Variants in ARHGAP24 observed in about 807,000 individuals in gnomAD.
ARHGAP24 encodes the protein rho GTPase-activating protein 24.
Under a neutral mutation model 76.4 loss-of-function variants are expected in ARHGAP24, and 50 were observed. The observed-to-expected ratio is 0.65, with a 90% CI of 0.52 to 0.83. ARHGAP24 has a LOEUF of 0.83. ARHGAP24 is among the 40% of genes least tolerant of loss of function. The pLI is 0.00. For synonymous variants in ARHGAP24, 345 were observed against 323.3 expected (o/e 1.07, Z -0.72); for missense variants, 930 against 914.2 (o/e 1.02, Z -0.22).
chr4:85,589,927 T>C (rs771014276), intron 2 of ARHGAP24, among the ~76,000 whole-genome samples: 24 of 152,220 alleles, frequency 1.6e-4, no homozygotes. Context: ...TTGCTGCACA[T>C]TGCAAATTTT....
At chr4:85,923,509 A>G in intron 3 of ARHGAP24, 139 bp from the exon 4 acceptor site, 4 of 1,240,466 alleles carry the variant, frequency 3.2e-6, no homozygotes, top group South Asian at 2.6e-5. Context: ...CTCAGAAACC[A>G]TGGTAAATAT....
At chr4:85,944,065 C>A (rs1737107487) in intron 5 of ARHGAP24, among the ~76,000 whole-genome samples, 2 of 152,186 alleles carry the variant, frequency 1.3e-5, no homozygotes, top group Admixed American at 6.5e-5. Context: ...AGCTAATTTA[C>A]ATTCCCACCA....
At chr4:85,960,770 A>C (rs1738195421) in intron 5 of ARHGAP24, among the ~76,000 whole-genome samples, 2 of 152,130 alleles carry the variant, frequency 1.3e-5, no homozygotes, top group African/African-American at 2.4e-5. Context: ...AATTTTTGTC[A>C]TCTAAGGCCA....
At chr4:85,984,367 G>A (rs994105207) in intron 8 of ARHGAP24, among the ~76,000 whole-genome samples, 3 of 152,338 alleles carry the variant, frequency 2.0e-5, no homozygotes. Flanking sequence ...GGCACCAGCA[G>A]ATAGGTTTCT....
intron 3 of ARHGAP24, among the ~76,000 whole-genome samples, chr4:85,850,170 G>C (rs1645573620): frequency 6.6e-6 from 1 of 152,130 alleles, no homozygotes. Flanking sequence ...TCCTGGTTTA[G>C]ACTTGGGAGG....
intron 8 of ARHGAP24, among the ~76,000 whole-genome samples, chr4:85,992,999 C>T (rs921346404): frequency 1.3e-5 from 2 of 152,184 alleles, no homozygotes; most frequent in African/African-American, 2.4e-5. Context: ...TTGATCACAT[C>T]GTCTCTGTGC....
intron 2 of ARHGAP24, among the ~76,000 whole-genome samples, chr4:85,721,415 AAAAGAAAAGGAAAAG>A (rs1724933334): frequency 2.0e-5 from 3 of 151,984 alleles, no homozygotes; most frequent in South Asian, 4.1e-4. Context: ...ACAAAAAAAA[AAAAGAAAAGGAAAAG>A]AAAGAAAAGG....
At chr4:85,793,587 G>GT (rs1325642106) in intron 3 of ARHGAP24, among the ~76,000 whole-genome samples, 1 of 152,108 alleles carries the variant, frequency 6.6e-6, no homozygotes, top group African/African-American at 2.4e-5. Context: ...TTTTAAACAT[G>GT]TCTTAAAAGT....
intron 8 of ARHGAP24, among the ~76,000 whole-genome samples, chr4:85,981,046 T>G (rs1350133509): frequency 6.6e-6 from 1 of 152,198 alleles, no homozygotes; most frequent in Non-Finnish European, 1.5e-5. Flanking sequence ...AGAACACATT[T>G]CTTTCATATT....
chr4:85,930,692 A>C, intron 4 of ARHGAP24: 1 of 1,199,646 alleles, frequency 8.3e-7, no homozygotes, highest in Non-Finnish European at 1.0e-6. Flanking sequence ...GAAAAAAAAA[A>C]CCTTAAAAAC....
At chr4:85,862,129 G>A (rs1250175737) in intron 3 of ARHGAP24, among the ~76,000 whole-genome samples, 2 of 151,776 alleles carry the variant, frequency 1.3e-5, no homozygotes, top group Non-Finnish European at 2.9e-5. Context: ...AATACTCAGA[G>A]TTTCAGCTCT....
At chr4:85,577,509 CA>C (rs1303036323) in intron 2 of ARHGAP24, among the ~76,000 whole-genome samples, 1 of 152,116 alleles carries the variant, frequency 6.6e-6, no homozygotes, top group Non-Finnish European at 1.5e-5. Context: ...AGTACTGAGT[CA>C]CATGAGCACA....
At chr4:85,721,766 C>A in intron 2 of ARHGAP24, 119 bp from the exon 3 acceptor site, 1 of 831,058 alleles carries the variant, frequency 1.2e-6, no homozygotes, top group Non-Finnish European at 2.0e-6. Context: ...ATAAAAGATT[C>A]TGATGCATCT....
At chr4:85,736,559 G>A (rs1725614987) in intron 3 of ARHGAP24, among the ~76,000 whole-genome samples, 2 of 152,244 alleles carry the variant, frequency 1.3e-5, no homozygotes, top group Middle Eastern at 3.4e-3. Flanking sequence ...AAGATATTAT[G>A]TGCCAAATTC....
chr4:85,850,755 G>T (rs1731176319), intron 3 of ARHGAP24, among the ~76,000 whole-genome samples: 1 of 152,082 alleles, frequency 6.6e-6, no homozygotes, highest in African/African-American at 2.4e-5. Flanking sequence ...ATAGTTGCGT[G>T]GTTTTTAGTG....
intron 3 of ARHGAP24, among the ~76,000 whole-genome samples, chr4:85,898,437 T>C (rs1243306528): frequency 1.3e-5 from 2 of 152,178 alleles, no homozygotes; most frequent in Non-Finnish European, 1.5e-5. Flanking sequence ...ATACTCTTCA[T>C]TGATTAAAGA....
intron 5 of ARHGAP24, 84 bp from the exon 6 acceptor site, chr4:85,971,952 C>A: frequency 1.3e-6 from 2 of 1,598,552 alleles, no homozygotes; most frequent in Non-Finnish European, 1.7e-6. Context: ...GGATAGAATT[C>A]TGACTCCTGG....
At chr4:85,540,963 T>C (rs1725659248) in intron 1 of ARHGAP24, among the ~76,000 whole-genome samples, 1 of 121,924 alleles carries the variant, frequency 8.2e-6, no homozygotes, top group African/African-American at 6.2e-5. Flanking sequence ...AAAGATAATG[T>C]GTCCCTCTGG....
chr4:85,618,188 T>C (rs1484061003), intron 2 of ARHGAP24, among the ~76,000 whole-genome samples: 1 of 152,204 alleles, frequency 6.6e-6, no homozygotes, highest in East Asian at 1.9e-4. Flanking sequence ...TACTATTCTC[T>C]ACTTCTGTGA....
Sources: allele counts gnomAD v4.1 joint callset (sites outside exome capture counted in the v4.1 genomes callset), GRCh38; gene constraint gnomAD v4.1.1; transcripts MANE v1.5; gene names NCBI Gene and HGNC (gene_info 2026-07-23, HGNC 2026-07-21).